Variants in ST14 observed in about 807,000 individuals in gnomAD.
ST14 encodes the protein suppressor of tumorigenicity 14 protein.
ST14 carries 40 observed loss-of-function variants against 96.5 expected under a neutral mutation model. The ratio of observed to expected loss-of-function variants is 0.41; its 90% CI spans 0.32 to 0.54. ST14 has a LOEUF of 0.54. Among genes scored for constraint, ST14 ranks in the 20% least tolerant of loss-of-function variants. ST14 has a pLI of 0.17. For synonymous variants in ST14, 506 were observed against 492.1 expected, an observed-to-expected ratio of 1.03 and a Z score of -0.37; for missense variants, 1,066 against 1,188.9, an observed-to-expected ratio of 0.90 and a Z score of 1.52.
At chr11:130,166,118 T>C (rs1455226808) in intron 1 of ST14, among the ~76,000 whole-genome samples, 1 of 152,242 alleles carries the variant, frequency 6.6e-6, no homozygotes, top group Non-Finnish European at 1.5e-5. Flanking sequence ...GGAGCACAGC[T>C]GGAGTTGTGA....
rs902410247 is a variant in ST14 at position 130,187,284 on chromosome 11, G to T, written c.82-830G>T. Among the ~76,000 whole-genome samples the T allele has an allele frequency of 1.3e-5, 2 of 152,194 alleles. No individual in the cohort carries two copies. The highest frequency in any genetic ancestry group is 2.4e-5 in the African/African-American group (1 of 41,446). On this transcript the variant is annotated intron_variant, in intron 1 of 18. Coordinates refer to ENST00000278742, the MANE Select transcript of ST14 (RefSeq NM_021978.4). The surrounding 1 kb of genome is among the most constrained non-coding windows in gnomAD (Gnocchi z 4.5). ...TGTGCTATCGGCAGAAGCCTTCGCCGGTCCGTCACTGGGTGCAGCAGACAC... is the reference window on the plus strand; with the variant it reads ...TGTGCTATCGGCAGAAGCCTTCGCCTGTCCGTCACTGGGTGCAGCAGACAC...
chr11:130,190,279 T>G, intron 6 of ST14, 131 bp downstream of exon 6: 1 of 1,476,998 alleles, frequency 6.8e-7, no homozygotes, highest in Non-Finnish European at 9.4e-7. Context: ...TTCCAGGCCC[T>G]TCCTCTTCCA....
At chr11:130,163,668 T>C (rs1339018720) in intron 1 of ST14, among the ~76,000 whole-genome samples, 1 of 152,198 alleles carries the variant, frequency 6.6e-6, no homozygotes, top group East Asian at 1.9e-4. Context: ...AGGATTGTCC[T>C]GTAGGTGGGG....
chr11:130,160,072 C>T lies in ST14; in HGVS notation c.81+12C>T, dbSNP rs1463816782. On this transcript the variant is annotated intron_variant, in intron 1 of 18. Coordinates refer to ENST00000278742, the MANE Select transcript of ST14 (RefSeq NM_021978.4). ...ACTCCCGGCACGAGGTGAGCGCGGG[C>T]CGGGGACCCGGGGCGCTGGGAAGCT... The T allele has an allele frequency of 1.1e-5, 15 of 1,415,436 alleles. No homozygotes were observed. The highest frequency in any genetic ancestry group is 2.8e-5 in the Admixed American group (1 of 36,174). The allele number at this position is 1,415,436 out of a possible 1,614,324, so 87.7% of individuals were successfully genotyped here. A position where few individuals can be genotyped will look rare whatever the true frequency, so the allele number is the denominator to read the frequency against.
At chr11:130,190,239 C>A in intron 6 of ST14, 91 bp downstream of exon 6, 7 of 1,538,248 alleles carry the variant, frequency 4.6e-6, no homozygotes, top group Middle Eastern at 1.7e-4. Context: ...AGAAGCATGT[C>A]CCTCTGAATG....
intron 1 of ST14, among the ~76,000 whole-genome samples, chr11:130,178,240 C>T (rs141856108): frequency 1.3e-5 from 2 of 152,188 alleles, no homozygotes; most frequent in Admixed American, 6.5e-5. Context: ...AAAAGAGTCT[C>T]CTGGTGTGAG....
intron 16 of ST14, among the ~76,000 whole-genome samples, chr11:130,200,917 C>T (rs1232383236): frequency 1.3e-5 from 2 of 152,252 alleles, no homozygotes; most frequent in South Asian, 2.1e-4. Context: ...GATTGGCCAA[C>T]GTGAGCTTTG....
chr11:130,173,850 C>T (rs1953114391), intron 1 of ST14, among the ~76,000 whole-genome samples: 1 of 152,096 alleles, frequency 6.6e-6, no homozygotes, highest in Non-Finnish European at 1.5e-5. Flanking sequence ...AGAAGGCCAG[C>T]CAGGGTGTCC....
intron 7 of ST14, among the ~76,000 whole-genome samples, chr11:130,191,925 A>C (rs572866154): frequency 3.3e-5 from 5 of 152,184 alleles, no homozygotes; most frequent in African/African-American, 1.2e-4. Flanking sequence ...GTGGGTTTGC[A>C]TAGGGAAGGT....
chr11:130,163,379 C>T (rs1045776120), intron 1 of ST14, among the ~76,000 whole-genome samples: 14 of 152,162 alleles, frequency 9.2e-5, no homozygotes, highest in African/African-American at 3.4e-4. Flanking sequence ...TCCTTCTCAT[C>T]CCCTGCCCCT....
chr11:130,173,527 C>T (rs1046840910), intron 1 of ST14, among the ~76,000 whole-genome samples: 1 of 150,090 alleles, frequency 6.7e-6, no homozygotes, highest in Non-Finnish European at 1.5e-5. Flanking sequence ...ACCTGGGAGG[C>T]GGAGGTTGTG....
intron 1 of ST14, among the ~76,000 whole-genome samples, chr11:130,179,575 G>T (rs543352401): frequency 6.6e-6 from 1 of 152,298 alleles, no homozygotes; most frequent in South Asian, 2.1e-4. Context: ...CCTGCTGACC[G>T]CCTGCTCTGT....
Position 130,166,310 on chromosome 11 carries a change from T to A in ST14, c.81+6250T>A, listed in dbSNP as rs188487172. On this transcript the variant is annotated intron_variant, in intron 1 of 18. Coordinates refer to ENST00000278742, the MANE Select transcript of ST14 (RefSeq NM_021978.4). The stretch of plus-strand genomic sequence containing the variant: ...TAGTTGGTTGTTGTGCACACACCAC[T>A]TGTATCCTGGACAAGGTGTTTTATT... Among the ~76,000 whole-genome samples the A allele has an allele frequency of 1.7e-4, 26 of 152,332 alleles. No individual in the cohort carries two copies. The East Asian group carries it at 4.6e-3, about 27-fold the overall frequency.
intron 1 of ST14, among the ~76,000 whole-genome samples, chr11:130,183,542 TA>T (rs751348726): frequency 0.17 from 21,559 of 126,968 alleles, 4,751 homozygotes; most frequent in African/African-American, 0.52. Context: ...CCCTGTATCT[TA>T]AAAAAAAAAA....
chr11:130,162,782 A>G (rs1385808838), intron 1 of ST14, among the ~76,000 whole-genome samples: 1 of 152,166 alleles, frequency 6.6e-6, no homozygotes. Context: ...TAGCTTCTCG[A>G]TATGCACTGG....
intron 1 of ST14, among the ~76,000 whole-genome samples, chr11:130,169,624 G>A (rs183343610): frequency 2.1e-3 from 325 of 152,250 alleles, no homozygotes; most frequent in African/African-American, 7.4e-3. Flanking sequence ...GGTGAAACGG[G>A]AAGTCTGAAT....
intron 15 of ST14, among the ~76,000 whole-genome samples, chr11:130,199,372 G>A (rs1953404524): frequency 6.6e-6 from 1 of 152,198 alleles, no homozygotes; most frequent in Non-Finnish European, 1.5e-5. Flanking sequence ...CTGTGGAGCA[G>A]TAGCCTGGAG....
intron 5 of ST14, 92 bp from the exon 6 acceptor site, chr11:130,190,021 C>G: frequency 6.2e-7 from 1 of 1,610,458 alleles, no homozygotes; most frequent in Non-Finnish European, 8.5e-7. Flanking sequence ...AGACTACGTG[C>G]TGGCCGGGCA....
Position 130,189,764 on chromosome 11 carries a change from T to C in ST14, c.466T>C (p.Trp156Arg), listed in dbSNP as rs1953275123. 1 of 1,613,412 alleles carries C rather than the reference T, an allele frequency of 6.2e-7. No individual in the cohort carries two copies. The highest frequency in any genetic ancestry group is 1.7e-5 in the Admixed American group (1 of 60,024). The change falls in exon 5 of 19, where the codon TGG becomes CGG. Residue 156 changes from tryptophan (W) to arginine (R), a missense_variant. Coordinates refer to ENST00000278742, the MANE Select transcript of ST14 (RefSeq NM_021978.4). ...CGAGGGCAGCGTCATCGCCTACTACTGGTCTGAGTTCAGCATCCCGCAGCA... is the reference window on the plus strand; with the variant it reads ...CGAGGGCAGCGTCATCGCCTACTACCGGTCTGAGTTCAGCATCCCGCAGCA... ...FSEGSVIAYYWSEFSIPQHLV... is the reference protein window; with the variant it reads ...FSEGSVIAYYRSEFSIPQHLV...
Sources: gnomAD v4.1 joint callset for allele counts (sites outside exome capture counted in the v4.1 genomes callset) on GRCh38, gnomAD v4.1.1 for gene constraint, Gnocchi (gnomAD v3.1) non-coding constraint, MANE v1.5 for transcripts, NCBI Gene and HGNC (gene_info 2026-07-23, HGNC 2026-07-21) for gene names.